Variants in PPP2R5E observed in about 807,000 individuals in gnomAD.
The protein encoded by PPP2R5E is serine/threonine-protein phosphatase 2A 56 kDa regulatory subunit epsilon isoform.
In PPP2R5E, 4 loss-of-function variants were observed where a neutral mutation model predicts 65.3. The ratio of observed to expected loss-of-function variants is 0.06; its 90% CI spans 0.03 to 0.14. The LOEUF is 0.14. Among genes scored for constraint, PPP2R5E ranks in the 10% least tolerant of loss-of-function variants. PPP2R5E has a pLI of 1.00. For missense variants in PPP2R5E, 274 were observed against 556.1 expected (o/e 0.49, Z 5.10); for synonymous variants, 183 against 187.4 (o/e 0.98, Z 0.19).
intron 2 of PPP2R5E, among the ~76,000 whole-genome samples, chr14:63,474,128 G>A (rs917904225): frequency 2.0e-5 from 3 of 152,200 alleles, no homozygotes; most frequent in Admixed American, 6.5e-5. Context: ...TTACAGAATC[G>A]TGGGAAGGAT....
chr14:63,460,064 C>A (rs538612110), intron 2 of PPP2R5E, among the ~76,000 whole-genome samples: 1 of 152,254 alleles, frequency 6.6e-6, no homozygotes, highest in African/African-American at 2.4e-5. Flanking sequence ...ATGACTAGCA[C>A]AGATAGAATA....
intron 2 of PPP2R5E, among the ~76,000 whole-genome samples, chr14:63,505,272 G>A (rs925446695): frequency 6.6e-6 from 1 of 152,164 alleles, no homozygotes; most frequent in Non-Finnish European, 1.5e-5. Flanking sequence ...GGAGGAAAGA[G>A]TGAGACTCTG....
intron 3 of PPP2R5E, among the ~76,000 whole-genome samples, chr14:63,437,987 A>C (rs756342333): frequency 6.6e-6 from 1 of 152,024 alleles, no homozygotes; most frequent in African/African-American, 2.4e-5. Context: ...TGGCATTTCT[A>C]CTCTATAGTC....
rs200549897 is a variant in PPP2R5E at position 63,393,787 on chromosome 14, G to A, written c.849+33C>T. ...AACGAGTTTGCAAACTTTTTATTTT[G>A]CTTCTAAAAGTAGTTGTACAAAATC... On this transcript the variant is annotated intron_variant, in intron 8 of 13. Transcript: ENST00000337537. 3.6e-6 allele frequency: 5 copies of A among 1,383,796 alleles called. No homozygotes were observed. In the East Asian group the frequency reaches 1.2e-4, roughly 32 times the overall value. The allele number at this position is 1,383,796 out of a possible 1,614,324, so 85.7% of individuals were successfully genotyped here.
chr14:63,453,226 C>T (rs896447868), intron 3 of PPP2R5E: 1 of 152,198 alleles, frequency 6.6e-6, no homozygotes. Context: ...TAAAGAGAAG[C>T]GTTAGTTATA....
At chr14:63,531,316 T>C (rs113317346) in intron 2 of PPP2R5E, among the ~76,000 whole-genome samples, 1,822 of 149,114 alleles carry the variant, frequency 0.012, 34 homozygotes, top group African/African-American at 0.042. Flanking sequence ...CCCTGGTATA[T>C]GATGTTCCCC....
At chr14:63,387,403 C>T (rs919274002) in intron 11 of PPP2R5E, among the ~76,000 whole-genome samples, 1 of 152,064 alleles carries the variant, frequency 6.6e-6, no homozygotes, top group African/African-American at 2.4e-5. Flanking sequence ...AGGACAGAGC[C>T]ACTACTTTCC....
At chr14:63,379,929 G>A (rs1041747966) in intron 13 of PPP2R5E, among the ~76,000 whole-genome samples, 2 of 146,652 alleles carry the variant, frequency 1.4e-5, no homozygotes, top group South Asian at 2.1e-4. Context: ...CCACCTCCCG[G>A]GTTCAACTGA....
chr14:63,479,918 A>C (rs565122450), intron 2 of PPP2R5E, among the ~76,000 whole-genome samples: 9 of 152,236 alleles, frequency 5.9e-5, no homozygotes, highest in Non-Finnish European at 8.8e-5. Flanking sequence ...AACAGTGTTA[A>C]GGCACCAAAG....
rs1887046170 is a variant in PPP2R5E, at chr14:63,421,892, A to T, written c.456+101T>A. 6 of 877,014 alleles carry T rather than the reference A, an allele frequency of 6.8e-6. No homozygotes were observed. In the Admixed American group the frequency reaches 1.1e-4, roughly 17 times the overall value. The allele number at this position is 877,014 out of a possible 1,614,324, so 54.3% of individuals were successfully genotyped here. ...TCTAACTTTCCATTAGTGTACTCTA[A>T]TTTGATTTCTTGGTGAATAAAGCCC... On this transcript the variant is annotated intron_variant, in intron 4 of 13. Coordinates refer to ENST00000337537, the MANE Select transcript of PPP2R5E (RefSeq NM_006246.5).
At chr14:63,474,814 G>T (rs1430499112) in intron 2 of PPP2R5E, among the ~76,000 whole-genome samples, 1 of 151,984 alleles carries the variant, frequency 6.6e-6, no homozygotes. Flanking sequence ...AAAGCCAATA[G>T]GCCGGATGAA....
At chr14:63,450,506 G>A (rs1888761734) in intron 3 of PPP2R5E, among the ~76,000 whole-genome samples, 1 of 152,178 alleles carries the variant, frequency 6.6e-6, no homozygotes, top group African/African-American at 2.4e-5. Flanking sequence ...TTAACACCAA[G>A]CTGGTCCATA....
At chr14:63,509,728 A>G (rs1298647568) in intron 2 of PPP2R5E, among the ~76,000 whole-genome samples, 1 of 152,206 alleles carries the variant, frequency 6.6e-6, no homozygotes, top group Non-Finnish European at 1.5e-5. Flanking sequence ...CCTGTGGACT[A>G]ACAGAACCCA....
At chr14:63,470,403 A>ACC (rs11417980) in intron 2 of PPP2R5E, among the ~76,000 whole-genome samples, 1 of 150,084 alleles carries the variant, frequency 6.7e-6, no homozygotes, top group East Asian at 2.0e-4. Flanking sequence ...CCCAGTTCCA[A>ACC]CCCCAAGGCA....
At chr14:63,519,346 G>C (rs1892790704) in intron 2 of PPP2R5E, among the ~76,000 whole-genome samples, 1 of 151,928 alleles carries the variant, frequency 6.6e-6, no homozygotes, top group Admixed American at 6.6e-5. Context: ...TGGGATCAAG[G>C]ACAAACTCTT....
chr14:63,413,469 A>C (rs971974117), intron 5 of PPP2R5E, among the ~76,000 whole-genome samples: 3 of 152,214 alleles, frequency 2.0e-5, no homozygotes, highest in African/African-American at 7.2e-5. Flanking sequence ...CATGATGGAC[A>C]GAAATCCAGA....
intron 7 of PPP2R5E, 111 bp from the exon 8 acceptor site, chr14:63,394,039 T>A: frequency 6.7e-6 from 3 of 447,770 alleles, no homozygotes; most frequent in Non-Finnish European, 1.3e-5. Flanking sequence ...CAAAACAACA[T>A]AATACCCACC....
intron 5 of PPP2R5E, among the ~76,000 whole-genome samples, chr14:63,408,726 T>A (rs1054633044): frequency 6.6e-6 from 1 of 152,232 alleles, no homozygotes; most frequent in Non-Finnish European, 1.5e-5. Context: ...ATATGCTACA[T>A]TTCTGCATTT....
At chr14:63,380,186 A>G (rs1374913836) in intron 13 of PPP2R5E, among the ~76,000 whole-genome samples, 1 of 152,146 alleles carries the variant, frequency 6.6e-6, no homozygotes. Context: ...TGGTTCAACT[A>G]GGATAATAAT....
Sources: gnomAD v4.1 joint callset for allele counts (sites outside exome capture counted in the v4.1 genomes callset) on GRCh38, gnomAD v4.1.1 for gene constraint, MANE v1.5 for transcripts, NCBI Gene and HGNC (gene_info 2026-07-23, HGNC 2026-07-21) for gene names.